Variants in SLC9A8 observed in about 807,000 individuals in gnomAD.
SLC9A8 encodes the protein sodium/hydrogen exchanger 8.
In SLC9A8, 48 loss-of-function variants were observed where a neutral mutation model predicts 66.6. The ratio of observed to expected loss-of-function variants is 0.72; its 90% CI spans 0.57 to 0.92. The LOEUF (loss-of-function observed/expected upper bound fraction) is 0.92. SLC9A8 is among the 40% of genes least tolerant of loss of function. The pLI, the probability that SLC9A8 is intolerant of heterozygous loss-of-function variation, is 0.00. For synonymous variants in SLC9A8, 274 were observed against 282.6 expected (o/e 0.97, Z 0.31); for missense variants, 599 against 747.3 (o/e 0.80, Z 2.31).
chr20:49,815,053 C>G lies in SLC9A8; in HGVS notation c.72C>G (p.His24Gln), dbSNP rs781420894. 1 of 1,606,508 alleles carries G rather than the reference C, an allele frequency of 6.2e-7. No individual in the cohort carries two copies. The highest frequency in any genetic ancestry group is 1.3e-5 in the African/African-American group (1 of 74,628). Residue 24 changes from histidine to glutamine, a missense_variant, in exon 2 of 16, where the codon CAC becomes CAG. By Grantham distance (24) the His-to-Gln change is conservative (BLOSUM62 0). Around this residue, in one of 2 missense-constraint regions of SLC9A8, gnomAD observed 132 missense variants for 120.9 expected, o/e 1.09. Coordinates refer to ENST00000361573, the MANE Select transcript of SLC9A8 (RefSeq NM_015266.3). The stretch of plus-strand genomic sequence containing the variant: ...ATGAGGGTTTCAATGTCACCCTCCA[C>G]ACCACCCTGGTTGTCACGACGAAAC... Reference protein sequence around the residue: ...TTHEGFNVTLHTTLVVTTKLV... With the variant: ...TTHEGFNVTLQTTLVVTTKLV...
At chr20:49,860,723 AAATAAT>A (rs374810930) in intron 8 of SLC9A8, among the ~76,000 whole-genome samples, 13 of 152,074 alleles carry the variant, frequency 8.5e-5, no homozygotes, top group African/African-American at 2.9e-4. Flanking sequence ...TCCATCTCAA[AAATAAT>A]AATAATAATA....
chr20:49,849,092 C>G (rs1393451557), intron 5 of SLC9A8, among the ~76,000 whole-genome samples: 1 of 152,134 alleles, frequency 6.6e-6, no homozygotes, highest in African/African-American at 2.4e-5. Flanking sequence ...ATGATGAAAG[C>G]TTAACAAGCA....
intron 3 of SLC9A8, among the ~76,000 whole-genome samples, chr20:49,828,293 G>A (rs2087003846): frequency 6.6e-6 from 1 of 151,602 alleles, no homozygotes. Flanking sequence ...TGTTAGCCAG[G>A]CTGGTCTTGA....
intron 3 of SLC9A8, among the ~76,000 whole-genome samples, chr20:49,836,758 C>A (rs990331257): frequency 1.3e-5 from 2 of 152,202 alleles, no homozygotes; most frequent in African/African-American, 2.4e-5. Context: ...AATTGCCAAA[C>A]TGTTTTCCAT....
chr20:49,856,913 C>T (rs1326645237), intron 8 of SLC9A8, among the ~76,000 whole-genome samples: 1 of 152,036 alleles, frequency 6.6e-6, no homozygotes, highest in Non-Finnish European at 1.5e-5. Flanking sequence ...GGAGCCATTG[C>T]ACTCCAACCT....
chr20:49,820,560 T>G (rs2086698323), intron 2 of SLC9A8, among the ~76,000 whole-genome samples: 1 of 152,046 alleles, frequency 6.6e-6, no homozygotes, highest in Non-Finnish European at 1.5e-5. Flanking sequence ...TGTTTTGTTT[T>G]TTTTGAGATG....
At chr20:49,833,172 G>A (rs2087284034) in intron 3 of SLC9A8, among the ~76,000 whole-genome samples, 1 of 152,166 alleles carries the variant, frequency 6.6e-6, no homozygotes, top group African/African-American at 2.4e-5. Flanking sequence ...TGAAAGTGCT[G>A]GGATTACAGG....
rs1029630825 is a variant in SLC9A8 at position 49,889,245 on chromosome 20, C to T, written c.*1309C>T. The T allele has an allele frequency of 5.9e-5, 9 of 152,292 alleles. No individual in the cohort carries two copies. The highest frequency in any genetic ancestry group is 2.2e-4 in the African/African-American group (9 of 41,464). The allele number at this position is 152,292 out of a possible 1,614,324, so 9.4% of individuals were successfully genotyped here. ...TATGTGGTTCTGGGTCCCAGGGAGC[C>T]TTGGAACCTGGCACCCTGGGGTGGT... On this transcript the variant is annotated 3_prime_UTR_variant, in exon 16 of 16. Transcript: ENST00000361573.
chr20:49,830,762 G>A lies in SLC9A8; in HGVS notation c.289+7621G>A, dbSNP rs2087144098. 2.4e-5 allele frequency: 19 copies of A among 786,232 alleles called. 1 individual carries two copies. Among genetic ancestry groups the A allele is most frequent in the Middle Eastern group, 2.7e-4 (1 of 3,738 alleles). The allele number at this position is 786,232 out of a possible 1,614,324, so 48.7% of individuals were successfully genotyped here. On this transcript the variant is annotated intron_variant, in intron 3 of 15. Coordinates refer to ENST00000361573, the MANE Select transcript of SLC9A8 (RefSeq NM_015266.3). ...TGCTGATTGTAAACATAGTCCAAGG[G>A]AGCTTCATAGCCATGATCACTGAGG...
At chr20:49,863,366 G>A (rs554301000) in intron 9 of SLC9A8, among the ~76,000 whole-genome samples, 69 of 152,222 alleles carry the variant, frequency 4.5e-4, no homozygotes, top group Non-Finnish European at 5.6e-4. Context: ...GATGATTTTC[G>A]TTTTCTGCCA....
chr20:49,883,717 C>T, intron 13 of SLC9A8, 129 bp from the exon 14 acceptor site: 1 of 700,978 alleles, frequency 1.4e-6, no homozygotes, highest in East Asian at 2.7e-5. Context: ...GGTGAGCACA[C>T]ACTCTTCAGC....
intron 1 of SLC9A8, among the ~76,000 whole-genome samples, chr20:49,814,467 G>A (rs142183342): frequency 6.6e-6 from 1 of 152,268 alleles, no homozygotes; most frequent in Non-Finnish European, 1.5e-5. Flanking sequence ...GGGAACATAC[G>A]CAGTGGAGTG....
intron 13 of SLC9A8, among the ~76,000 whole-genome samples, chr20:49,883,506 A>G (rs890554440): frequency 1.3e-5 from 2 of 152,142 alleles, no homozygotes; most frequent in African/African-American, 4.8e-5. Context: ...GGCCTGGCGC[A>G]CACACAGGGA....
rs2086402595 is a variant in SLC9A8, at chr20:49,812,943, A to G, written c.21A>G (p.Glu7=). Residue 7 remains glutamate, a synonymous_variant, in exon 1 of 16, where the codon GAA becomes GAG. Transcript: ENST00000361573. MGEKMA[E]EERFPNTTHE... is the part of the protein sequence containing the mutation. ...GCAGGATGGGGGAGAAGATGGCGGA[A>G]GAGGAGTGAGTGGGCTTTTTCCCGG... 1.4e-6 allele frequency: 2 copies of G among 1,457,590 alleles called. No individual in the cohort carries two copies. Among genetic ancestry groups the G allele is most frequent in the South Asian group, 1.3e-5 (1 of 76,682 alleles). The allele number at this position is 1,457,590 out of a possible 1,614,324, so 90.3% of individuals were successfully genotyped here.
chr20:49,828,844 A>G (rs950205186), intron 3 of SLC9A8, among the ~76,000 whole-genome samples: 5 of 150,896 alleles, frequency 3.3e-5, no homozygotes, highest in African/African-American at 1.2e-4. Context: ...GTCTCAAATA[A>G]ATAGTAATAA....
At chr20:49,869,560 G>A (rs187979990) in intron 10 of SLC9A8, among the ~76,000 whole-genome samples, 140 of 151,248 alleles carry the variant, frequency 9.3e-4, no homozygotes, top group African/African-American at 2.2e-3. Context: ...TGGGCCAGGC[G>A]CAGTGGCTCA....
intron 2 of SLC9A8, among the ~76,000 whole-genome samples, chr20:49,820,517 T>C (rs1462029237): frequency 6.6e-6 from 1 of 151,970 alleles, no homozygotes. Flanking sequence ...AAATTATAGC[T>C]ATCCTAGTGG....
chr20:49,891,952 G>C lies in SLC9A8; in HGVS notation c.*4016G>C, dbSNP rs1453153471. On this transcript the variant is annotated 3_prime_UTR_variant, in exon 16 of 16. Coordinates refer to ENST00000361573, the MANE Select transcript of SLC9A8 (RefSeq NM_015266.3). The stretch of plus-strand genomic sequence containing the variant: ...CCTTTGTAAAAATGACGAGTGCTGG[G>C]TTTTTGTTTTAAGAAGCATTATGAA... 1.3e-5 allele frequency: 2 copies of C among 152,158 alleles called. No individual in the cohort carries two copies. The highest frequency in any genetic ancestry group is 4.8e-5 in the African/African-American group (2 of 41,420). The allele number at this position is 152,158 out of a possible 1,614,324, so 9.4% of individuals were successfully genotyped here.
chr20:49,820,550 T>C (rs1213941143), intron 2 of SLC9A8, among the ~76,000 whole-genome samples: 1 of 150,962 alleles, frequency 6.6e-6, no homozygotes, highest in East Asian at 2.3e-4. Context: ...ATTTTTGTTT[T>C]GTTTTGTTTT....
Sources: allele counts gnomAD v4.1 joint callset (sites outside exome capture counted in the v4.1 genomes callset), GRCh38; gene constraint gnomAD v4.1.1; regional missense constraint gnomAD v4.1.1; transcripts MANE v1.5; gene names NCBI Gene and HGNC (gene_info 2026-07-23, HGNC 2026-07-21).